Variants in PREX1 observed in about 807,000 individuals in gnomAD.
PREX1 encodes phosphatidylinositol-3,4,5-trisphosphate dependent Rac exchange factor 1.
Under a neutral mutation model 198.3 loss-of-function variants are expected in PREX1, and 41 were observed. That is an observed-to-expected ratio of 0.21 (90% CI 0.16 to 0.27). PREX1 has a LOEUF of 0.27. Among genes scored for constraint, PREX1 ranks in the 10% least tolerant of loss-of-function variants. The pLI is 1.00. For synonymous variants in PREX1, 843 were observed against 887.2 expected (o/e 0.95, Z 0.89); for missense variants, 1,620 against 2,200.7 (o/e 0.74, Z 5.28).
Position 48,815,528 on chromosome 20 carries a change from C to G in PREX1, c.219+12114G>C, listed in dbSNP as rs549304721. On this transcript the variant is annotated intron_variant, in intron 1 of 39. Transcript: ENST00000371941. Reference sequence around the variant, plus strand: ...GCAATCAGATGGGCTTCCTCACTCCCCACCCCACACTCAGAGTAAACAGCA... The same window carrying G: ...GCAATCAGATGGGCTTCCTCACTCCGCACCCCACACTCAGAGTAAACAGCA... Among the ~76,000 whole-genome samples, 4 of 152,312 alleles carry G rather than the reference C, an allele frequency of 2.6e-5. No individual in the cohort carries two copies. The South Asian group carries it at 8.3e-4, about 32-fold the overall frequency.
At position 48,634,144 on chromosome 20, in the gene PREX1, G is replaced by GTGGA. The variant is rs985132974; in HGVS notation, c.4267+528_4267+531dup. On this transcript the variant is annotated intron_variant, in intron 33 of 39. Transcript: ENST00000371941. ...GATGGATGCATGGACACATGGGTGG[G>GTGGA]TGGATGGATGGATGGATGGATGGAT... Among the ~76,000 whole-genome samples, 222 of 120,278 alleles carry GTGGA rather than the reference G, an allele frequency of 1.8e-3. 1 individual carries two copies. Among genetic ancestry groups the GTGGA allele is most frequent in the African/African-American group, 5.0e-3 (172 of 34,744 alleles). The allele number at this position is 120,278 out of a possible 152,430, so 78.9% of individuals were successfully genotyped here. A position where few individuals can be genotyped will look rare whatever the true frequency, so the allele number is the denominator to read the frequency against.
chr20:48,760,190 G>A, intron 1 of PREX1, among the ~76,000 whole-genome samples: 1 of 151,938 alleles, frequency 6.6e-6, no homozygotes, highest in East Asian at 1.9e-4. Context: ...AAGCCCTGGT[G>A]CAGGTAGACA....
Position 48,726,370 on chromosome 20 carries a change from G to A in PREX1, c.541C>T (p.Arg181Trp), listed in dbSNP as rs148948169. The A allele has an allele frequency of 6.2e-7, 1 of 1,613,252 alleles. No individual in the cohort carries two copies. The highest frequency in any genetic ancestry group is 8.5e-7 in the Non-Finnish European group (1 of 1,179,670). The change falls in exon 5 of 40, where the codon CGG (arginine) becomes TGG (tryptophan). Residue 181 changes from arginine (R) to tryptophan (W), a missense_variant. This residue lies in a region of PREX1 where 488 missense variants were observed against 802.5 expected (regional missense o/e 0.61). Coordinates refer to ENST00000371941, the MANE Select transcript of PREX1 (RefSeq NM_020820.4). Reference protein sequence around the residue: ...FLLSCMLLGGRKTTDIPLEGY... With the variant: ...FLLSCMLLGGWKTTDIPLEGY... ...TCCAAAGGGATGTCCGTGGTCTTCCGGCCTCCCAGAAGCATGCAGCTCTGC... is the reference window on the plus strand; with the variant it reads ...TCCAAAGGGATGTCCGTGGTCTTCCAGCCTCCCAGAAGCATGCAGCTCTGC...
the PREX1 span, among the ~76,000 whole-genome samples, chr20:48,882,633 T>C: frequency 0.4 from 60,272 of 151,516 alleles, 12,169 homozygotes; most frequent in Middle Eastern, 0.48. Flanking sequence ...GGCAATTCTA[T>C]GCTTAATATT....
At chr20:48,644,017 C>T (rs1045612217) in intron 27 of PREX1, among the ~76,000 whole-genome samples, 21 of 152,190 alleles carry the variant, frequency 1.4e-4, no homozygotes, top group African/African-American at 4.1e-4. Flanking sequence ...TTTGGATTTT[C>T]GGTTTACACA....
the PREX1 span, among the ~76,000 whole-genome samples, chr20:48,857,444 T>C: frequency 6.6e-6 from 1 of 152,142 alleles, no homozygotes; most frequent in African/African-American, 2.4e-5. Context: ...CCCTTTGAGA[T>C]GCCATGGCGG....
intron 1 of PREX1, among the ~76,000 whole-genome samples, chr20:48,796,013 G>C (rs1382687562): frequency 6.6e-6 from 1 of 152,208 alleles, no homozygotes; most frequent in African/African-American, 2.4e-5. Flanking sequence ...CTGCACACCA[G>C]CCTATTAACA....
chr20:48,867,144 C>T, the PREX1 span, among the ~76,000 whole-genome samples: 1 of 152,224 alleles, frequency 6.6e-6, no homozygotes, highest in Admixed American at 6.5e-5. Flanking sequence ...AGCCCAGCCT[C>T]AAGCCCACTT....
At chr20:48,674,590 G>A (rs771557439) in intron 14 of PREX1, among the ~76,000 whole-genome samples, 1 of 152,188 alleles carries the variant, frequency 6.6e-6, no homozygotes, top group East Asian at 1.9e-4. Flanking sequence ...CACAGTGGGT[G>A]AGTCCCAGCT....
intron 1 of PREX1, among the ~76,000 whole-genome samples, chr20:48,781,412 A>G (rs1470698167): frequency 6.6e-6 from 1 of 152,222 alleles, no homozygotes; most frequent in Non-Finnish European, 1.5e-5. Flanking sequence ...AAAGTTTCTT[A>G]AAGCCCTGTG....
In PREX1 at chr20:48,756,459, GA is replaced by G. The variant is rs1193779081; in HGVS notation, c.220-8580del. On this transcript the variant is annotated intron_variant, in intron 1 of 39. Transcript: ENST00000371941. ...CACAGACATACTCTGAGAGGACTGGGAAGAGATAGCTTTTTTTTTTTTACAA... is the reference window on the plus strand; with the variant it reads ...CACAGACATACTCTGAGAGGACTGGGAGAGATAGCTTTTTTTTTTTTACAA... 5.6e-5 allele frequency among the ~76,000 whole-genome samples: 8 copies of G among 142,784 alleles called. No individual in the cohort carries two copies. In the East Asian group the frequency reaches 1.2e-3, roughly 21 times the overall value. 93.7% of individuals were successfully genotyped at this position (142,784 alleles called of 152,430 possible).
At chr20:48,630,972 G>A (rs189291893) in intron 35 of PREX1, among the ~76,000 whole-genome samples, 178 bp from the exon 36 acceptor site, 119 of 151,790 alleles carry the variant, frequency 7.8e-4, no homozygotes, top group Admixed American at 2.4e-3. Flanking sequence ...TACAACAGCC[G>A]GGGGGGAAAG....
intron 1 of PREX1, among the ~76,000 whole-genome samples, chr20:48,759,815 T>C (rs2090171371): frequency 1.3e-5 from 2 of 152,086 alleles, no homozygotes; most frequent in South Asian, 4.1e-4. Flanking sequence ...TTAGCTATTA[T>C]TGGCCAGGCT....
chr20:48,738,143 C>T (rs767955763), intron 3 of PREX1, among the ~76,000 whole-genome samples: 1 of 152,124 alleles, frequency 6.6e-6, no homozygotes, highest in Non-Finnish European at 1.5e-5. Flanking sequence ...AGGGACAAAT[C>T]GGTTTCTTCC....
intron 25 of PREX1, among the ~76,000 whole-genome samples, chr20:48,647,304 C>T (rs557249750): frequency 4.6e-5 from 7 of 152,008 alleles, no homozygotes; most frequent in African/African-American, 1.7e-4. Context: ...GGGTGGGTCA[C>T]GAGATCAAGA....
chr20:48,827,195 C>G lies in PREX1; in HGVS notation c.219+447G>C, dbSNP rs2090512659. Among the ~76,000 whole-genome samples, 1 of 152,194 alleles carries G rather than the reference C, an allele frequency of 6.6e-6. No individual in the cohort carries two copies. Among genetic ancestry groups the G allele is most frequent in the Non-Finnish European group, 1.5e-5 (1 of 68,032 alleles). On this transcript the variant is annotated intron_variant, in intron 1 of 39. Transcript: ENST00000371941. This position sits in a 1 kb window ranked among gnomAD's most constrained non-coding sequence, Gnocchi z 4.1. ...AGCTTCAGGTTTTATCCTACTCCAT[C>G]AACGCGCAGGGACGTTGGGCTCTGG...
chr20:48,651,942 C>A (rs1007021787), intron 21 of PREX1, among the ~76,000 whole-genome samples: 2 of 152,152 alleles, frequency 1.3e-5, no homozygotes, highest in African/African-American at 2.4e-5. Context: ...GTGGCTTGGA[C>A]CAGGGAGCTG....
intron 3 of PREX1, among the ~76,000 whole-genome samples, chr20:48,742,799 C>T (rs1356333954): frequency 6.6e-6 from 1 of 152,162 alleles, no homozygotes; most frequent in East Asian, 1.9e-4. Context: ...GTGAGAATAG[C>T]CCCGCTGTGT....
chr20:48,839,801 T>C, the PREX1 span, among the ~76,000 whole-genome samples: 1 of 152,192 alleles, frequency 6.6e-6, no homozygotes, highest in Middle Eastern at 3.4e-3. Flanking sequence ...CTTTCCCTTA[T>C]AGCTGATAGG....
Sources: allele counts gnomAD v4.1 joint callset (sites outside exome capture counted in the v4.1 genomes callset), GRCh38; gene constraint gnomAD v4.1.1; regional missense constraint gnomAD v4.1.1; non-coding constraint Gnocchi (gnomAD v3.1); transcripts MANE v1.5; gene names NCBI Gene and HGNC (gene_info 2026-07-23, HGNC 2026-07-21).